The following DDX52 variants were observed in gnomAD, a reference collection of about 807,000 sequenced individuals.
DDX52 encodes DExD-box helicase 52.
A neutral mutation model predicts 76.1 loss-of-function variants in DDX52; 59 were observed. The observed-to-expected ratio is 0.78, with a 90% confidence interval of 0.63 to 0.96. DDX52 has a LOEUF of 0.96. Ranked by LOEUF, DDX52 falls within the 40% of genes least tolerant of loss-of-function variation. DDX52 has a pLI of 0.00. For missense variants in DDX52, 707 were observed against 703.9 expected (o/e 1.00, Z -0.05); for synonymous variants, 231 against 244.1 (o/e 0.95, Z 0.50).
At position 37,633,401 on chromosome 17, in the gene DDX52, C is replaced by T; in HGVS notation, c.304G>A (p.Glu102Lys). 6.4e-7 allele frequency: 1 copy of T among 1,567,172 alleles called. No individual in the cohort carries two copies. Among genetic ancestry groups the T allele is most frequent in the Non-Finnish European group, 8.6e-7 (1 of 1,162,990 alleles). ...GACATCCACTGTATAGTAGCACCTT[C>T]TTCTTGGGAAGCAATTTCTAAAATA... ...TMTSEIASQE[E>K]GATIQWMSSV... Residue 102 changes from glutamate to lysine, a missense_variant, in exon 3 of 15, where the codon GAA (glutamate) becomes AAA (lysine). Glu to Lys is a moderately conservative substitution (Grantham distance 56). Coordinates refer to ENST00000617633, the MANE Select transcript of DDX52 (RefSeq NM_007010.5).
At chr17:37,633,075 A>G (rs148497692) in intron 3 of DDX52, among the ~76,000 whole-genome samples, 2 of 152,340 alleles carry the variant, frequency 1.3e-5, no homozygotes, top group African/African-American at 4.8e-5. Flanking sequence ...AATTTTATAT[A>G]TGTATCAGCA....
chr17:37,643,221 G>T, intron 1 of DDX52, 113 bp downstream of exon 1: 2 of 1,120,060 alleles, frequency 1.8e-6, no homozygotes, highest in Non-Finnish European at 1.3e-6. Context: ...CCCAAGGGTG[G>T]CGAGAGCCAG....
intron 14 of DDX52, 87 bp from the exon 15 acceptor site, chr17:37,614,440 T>G (rs1002807209): frequency 8.2e-7 from 1 of 1,214,098 alleles, no homozygotes. Flanking sequence ...AATAAACATT[T>G]ACTGAAACCT....
At position 37,610,763 on chromosome 17, in the gene DDX52, G is replaced by A. The variant is rs978333973; in HGVS notation, c.*3533C>T. The A allele has an allele frequency of 1.3e-5, 2 of 152,162 alleles. No homozygotes were observed. Among genetic ancestry groups the A allele is most frequent in the African/African-American group, 4.8e-5 (2 of 41,440 alleles). The allele number at this position is 152,162 out of a possible 1,614,324, so 9.4% of individuals were successfully genotyped here. A position where few individuals can be genotyped will look rare whatever the true frequency, so the allele number is the denominator to read the frequency against. The stretch of plus-strand genomic sequence containing the variant: ...CAATGAGGATCAGGATTCAAATCCA[G>A]GCCAGTTTGACTCTAAAGTCCTTGC... On this transcript the variant is annotated 3_prime_UTR_variant, in exon 15 of 15. Transcript: ENST00000617633.
At chr17:37,630,639 G>GTTT (rs34387906) in intron 4 of DDX52, among the ~76,000 whole-genome samples, 4 of 128,572 alleles carry the variant, frequency 3.1e-5, no homozygotes, top group African/African-American at 2.9e-5. Flanking sequence ...AACTCACTGT[G>GTTT]TTTTTTTTTT....
chr17:37,637,834 A>G (rs1005497149), intron 2 of DDX52, among the ~76,000 whole-genome samples: 1 of 152,194 alleles, frequency 6.6e-6, no homozygotes, highest in African/African-American at 2.4e-5. Flanking sequence ...TCGGCATCCC[A>G]AAGTGCTGGG....
intron 2 of DDX52, among the ~76,000 whole-genome samples, chr17:37,641,052 A>G (rs985404434): frequency 3.3e-5 from 5 of 152,102 alleles, no homozygotes; most frequent in Non-Finnish European, 5.9e-5. Flanking sequence ...AAGAAGAAAC[A>G]ATTCACAAAA....
At chr17:37,632,032 A>G (rs2030704841) in intron 4 of DDX52, 81 bp downstream of exon 4, 2 of 1,582,524 alleles carry the variant, frequency 1.3e-6, no homozygotes, top group South Asian at 2.2e-5. Context: ...GTGGAAAGAA[A>G]GAGTTCAAGA....
chr17:37,626,994 T>C, intron 6 of DDX52, 134 bp from the exon 7 acceptor site: 2 of 655,764 alleles, frequency 3.0e-6, no homozygotes, highest in Non-Finnish European at 5.3e-6. Context: ...AACTATTATA[T>C]CCCTACTTTC....
intron 6 of DDX52, among the ~76,000 whole-genome samples, chr17:37,628,234 G>A (rs2147352518): frequency 6.6e-6 from 1 of 152,238 alleles, no homozygotes; most frequent in Non-Finnish European, 1.5e-5. Context: ...ACCGCAGAAT[G>A]TTTAACAACA....
rs2064385312 is a variant in DDX52 at position 37,612,992 on chromosome 17, A to G, written c.*1304T>C. The stretch of plus-strand genomic sequence containing the variant: ...CCTGTACCAGTAGATCTTTCTTTAA[A>G]TAAATTCCGAAGATGAACAATTTTT... On this transcript the variant is annotated 3_prime_UTR_variant, in exon 15 of 15. Transcript: ENST00000617633. The G allele has an allele frequency of 6.6e-6, 1 of 152,218 alleles. No homozygotes were observed. The highest frequency in any genetic ancestry group is 2.1e-4 in the South Asian group (1 of 4,838). 9.4% of individuals were successfully genotyped at this position (152,218 alleles called of 1,614,324 possible). A position where few individuals can be genotyped will look rare whatever the true frequency, so the allele number is the denominator to read the frequency against.
chr17:37,639,205 T>C (rs1287376364), intron 2 of DDX52, among the ~76,000 whole-genome samples: 1 of 152,130 alleles, frequency 6.6e-6, no homozygotes, highest in Non-Finnish European at 1.5e-5. Context: ...ATATATGAGG[T>C]TTAATAAATT....
At chr17:37,616,905 AC>A (rs2064434152) in intron 14 of DDX52, among the ~76,000 whole-genome samples, 1 of 152,200 alleles carries the variant, frequency 6.6e-6, no homozygotes, top group African/African-American at 2.4e-5. Context: ...TCACTTATTT[AC>A]AAAGCACACT....
rs765968039 is a variant in DDX52, at chr17:37,625,974, T to G, written c.1057A>C (p.Ser353Arg). The G allele has an allele frequency of 3.1e-6, 5 of 1,614,222 alleles. No individual in the cohort carries two copies. In the South Asian group the frequency reaches 5.5e-5, roughly 18 times the overall value. The change falls in exon 8 of 15, where the codon AGT becomes CGT. Residue 353 changes from serine to arginine, a missense_variant. Ser to Arg is a moderately radical substitution (Grantham distance 110). Transcript: ENST00000617633. ...TSHKVRRAMF[S>R]ATFAYDVEQW... Reference sequence around the variant, plus strand: ...TCAACATCATATGCAAAAGTTGCACTGAACATAGCTCTTCGGACCTTGTGG... The same window carrying G: ...TCAACATCATATGCAAAAGTTGCACGGAACATAGCTCTTCGGACCTTGTGG...
At chr17:37,636,344 C>T (rs533878906) in intron 2 of DDX52, among the ~76,000 whole-genome samples, 8 of 152,222 alleles carry the variant, frequency 5.3e-5, no homozygotes, top group Middle Eastern at 3.4e-3. Context: ...TTCTTTTCCC[C>T]GCTGAATTAC....
chr17:37,629,594 C>A (rs2030578154), intron 5 of DDX52, among the ~76,000 whole-genome samples: 1 of 151,952 alleles, frequency 6.6e-6, no homozygotes, highest in Non-Finnish European at 1.5e-5. Context: ...TCTCTTGAGG[C>A]CAGGAGTTCG....
intron 5 of DDX52, 89 bp from the exon 6 acceptor site, chr17:37,628,761 A>C: frequency 2.2e-6 from 2 of 925,866 alleles, no homozygotes. Context: ...TAAATCTATT[A>C]CCAACCCATG....
At position 37,610,778 on chromosome 17, in the gene DDX52, A is replaced by G. The variant is rs1007092994; in HGVS notation, c.*3518T>C. On this transcript the variant is annotated 3_prime_UTR_variant, in exon 15 of 15. Transcript: ENST00000617633. ...TTCAAATCCAGGCCAGTTTGACTCT[A>G]AAGTCCTTGCTCATTTCACCAGAGC... 1 of 152,226 alleles carries G rather than the reference A, an allele frequency of 6.6e-6. No individual in the cohort carries two copies. Among genetic ancestry groups the G allele is most frequent in the Non-Finnish European group, 1.5e-5 (1 of 68,044 alleles). 9.4% of individuals were successfully genotyped at this position (152,226 alleles called of 1,614,324 possible).
intron 4 of DDX52, among the ~76,000 whole-genome samples, 177 bp from the exon 5 acceptor site, chr17:37,630,350 A>G (rs1230967569): frequency 6.6e-6 from 1 of 152,218 alleles, no homozygotes; most frequent in South Asian, 2.1e-4. Flanking sequence ...TCACCCCAAC[A>G]AAGTTTCTGA....
Sources: allele counts gnomAD v4.1 joint callset (sites outside exome capture counted in the v4.1 genomes callset), GRCh38; gene constraint gnomAD v4.1.1; transcripts MANE v1.5; gene names NCBI Gene and HGNC (gene_info 2026-07-23, HGNC 2026-07-21).